Variants in PTPN4 observed in about 807,000 individuals in gnomAD.
PTPN4 encodes the protein tyrosine-protein phosphatase non-receptor type 4.
PTPN4 carries 49 observed loss-of-function variants against 135.5 expected under a neutral mutation model. The observed-to-expected ratio is 0.36, with a 90% CI of 0.29 to 0.46. The LOEUF (loss-of-function observed/expected upper bound fraction) is 0.46, where lower values mean the gene tolerates loss of function less well. Ranked by LOEUF, PTPN4 falls within the 20% of genes least tolerant of loss-of-function variation. The pLI is 1.00. For synonymous variants in PTPN4, 333 were observed against 369.9 expected (o/e 0.90, Z 1.14); for missense variants, 860 against 1,101.0 (o/e 0.78, Z 3.10).
At chr2:119,896,020 A>G (rs1282012875) in intron 9 of PTPN4, among the ~76,000 whole-genome samples, 1 of 152,112 alleles carries the variant, frequency 6.6e-6, no homozygotes, top group African/African-American at 2.4e-5. Context: ...GTTCATATTC[A>G]GTTTAAATAT....
At chr2:119,873,210 C>T (rs1207677669) in intron 3 of PTPN4, among the ~76,000 whole-genome samples, 5 of 151,040 alleles carry the variant, frequency 3.3e-5, no homozygotes, top group Non-Finnish European at 7.4e-5. Flanking sequence ...TTTGTAGAGA[C>T]GTGGTCTTGC....
chr2:119,970,163 G>A (rs906397665), intron 26 of PTPN4, among the ~76,000 whole-genome samples: 4 of 151,682 alleles, frequency 2.6e-5, no homozygotes, highest in East Asian at 3.9e-4. Flanking sequence ...GGGTTCAAGC[G>A]ATTCTCCTGC....
At chr2:119,935,104 T>C in intron 15 of PTPN4, 146 bp downstream of exon 15, 2 of 960,256 alleles carry the variant, frequency 2.1e-6, no homozygotes, top group Non-Finnish European at 3.0e-6. Flanking sequence ...TATGCTCATT[T>C]GTTCCTGAGA....
chr2:119,891,579 C>A (rs565166474), intron 9 of PTPN4, among the ~76,000 whole-genome samples: 1 of 152,262 alleles, frequency 6.6e-6, no homozygotes, highest in South Asian at 2.1e-4. Flanking sequence ...CCCACCTTGG[C>A]CTCCCAAAAT....
chr2:119,769,594 T>C (rs1027449421), intron 1 of PTPN4, among the ~76,000 whole-genome samples: 10 of 152,182 alleles, frequency 6.6e-5, no homozygotes, highest in Non-Finnish European at 1.3e-4. Flanking sequence ...ACAATGAATA[T>C]AGATGAGACA....
intron 20 of PTPN4, among the ~76,000 whole-genome samples, chr2:119,955,951 T>TAAAC (rs1679275835): frequency 1.1e-4 from 3 of 26,886 alleles, no homozygotes; most frequent in Admixed American, 1.2e-3. Context: ...AAATAATAAA[T>TAAAC]AAATAAATAA....
intron 2 of PTPN4, among the ~76,000 whole-genome samples, chr2:119,854,503 T>C (rs1299656875): frequency 6.6e-6 from 1 of 152,178 alleles, no homozygotes. Context: ...GTGACGACTC[T>C]TTCTGGCCAC....
At chr2:119,959,690 C>T (rs1679337264) in intron 22 of PTPN4, among the ~76,000 whole-genome samples, 1 of 152,192 alleles carries the variant, frequency 6.6e-6, no homozygotes, top group South Asian at 2.1e-4. Context: ...GCATCGCTGG[C>T]AGGCTATGGG....
In PTPN4 at chr2:119,973,655, G is replaced by GTTTTTTTTTTTTTTTTTTTTTTTTT. The variant is rs70949378; in HGVS notation, c.2695-3326_2695-3302dup. 2.3e-4 allele frequency among the ~76,000 whole-genome samples: 9 copies of GTTTTTTTTTTTTTTTTTTTTTTTTT among 38,394 alleles called. 2 individuals are homozygous for GTTTTTTTTTTTTTTTTTTTTTTTTT. Among genetic ancestry groups the GTTTTTTTTTTTTTTTTTTTTTTTTT allele is most frequent in the African/African-American group, 6.3e-4 (5 of 7,952 alleles). 25.2% of individuals were successfully genotyped at this position (38,394 alleles called of 152,430 possible). On this transcript the variant is annotated intron_variant, in intron 26 of 26. Transcript: ENST00000263708. The stretch of plus-strand genomic sequence containing the variant: ...TTGAAAGCTTCCTCCTTCATTTCTT[G>GTTTTTTTTTTTTTTTTTTTTTTTTT]TTTTTTTTTTTTTTTTTTTTTTTTT...
chr2:119,836,164 A>G (rs887909266), intron 2 of PTPN4, among the ~76,000 whole-genome samples: 4 of 152,200 alleles, frequency 2.6e-5, no homozygotes, highest in Non-Finnish European at 1.5e-5. Context: ...TCCAGTGAAG[A>G]TACGCATACA....
intron 9 of PTPN4, among the ~76,000 whole-genome samples, chr2:119,888,251 T>C (rs1036770981): frequency 4.6e-5 from 7 of 152,050 alleles, no homozygotes; most frequent in Non-Finnish European, 8.8e-5. Context: ...TTTGGTGGAG[T>C]CTTTAGGTTT....
chr2:119,859,103 A>G (rs776404909), intron 2 of PTPN4, among the ~76,000 whole-genome samples: 5 of 151,542 alleles, frequency 3.3e-5, no homozygotes, highest in East Asian at 1.9e-4. Context: ...TATATCTTCT[A>G]TTACTTTGCT....
At position 119,968,773 on chromosome 2, in the gene PTPN4, C is replaced by CA. The variant is rs1679483587; in HGVS notation, c.2694+802dup. On this transcript the variant is annotated intron_variant, in intron 26 of 26. Transcript: ENST00000263708. ...CGCCACTGTACTCCAGCCTGGGTGA[C>CA]AGAGTGCGACTCAGTCTCAAAAAAA... is the stretch of plus-strand genomic sequence containing the variant. Among the ~76,000 whole-genome samples, 3 of 152,128 alleles carry CA rather than the reference C, an allele frequency of 2.0e-5. No individual in the cohort carries two copies. The South Asian group carries it at 6.2e-4, about 32-fold the overall frequency.
chr2:119,948,381 A>T (rs1428947483), intron 18 of PTPN4, among the ~76,000 whole-genome samples: 1 of 152,114 alleles, frequency 6.6e-6, no homozygotes, highest in Non-Finnish European at 1.5e-5. Context: ...TAACAGTCTT[A>T]TAAACCTAGT....
At chr2:119,784,413 G>C (rs537513244) in intron 1 of PTPN4, among the ~76,000 whole-genome samples, 6 of 132,672 alleles carry the variant, frequency 4.5e-5, no homozygotes, top group South Asian at 2.4e-4. Flanking sequence ...TTGAGACAGA[G>C]TCTTGCTCTG....
intron 2 of PTPN4, among the ~76,000 whole-genome samples, chr2:119,822,658 G>A (rs887724676): frequency 6.6e-6 from 1 of 151,980 alleles, no homozygotes; most frequent in Non-Finnish European, 1.5e-5. Flanking sequence ...CACCCGGCCT[G>A]TGTGTTAGTA....
At chr2:119,809,041 G>C (rs555229494) in intron 1 of PTPN4, among the ~76,000 whole-genome samples, 6 of 152,062 alleles carry the variant, frequency 3.9e-5, no homozygotes, top group African/African-American at 1.2e-4. Flanking sequence ...AGAAGTGTTA[G>C]GTGTTTTAAA....
intron 2 of PTPN4, among the ~76,000 whole-genome samples, chr2:119,812,716 T>C (rs957921411): frequency 6.6e-6 from 1 of 152,200 alleles, no homozygotes; most frequent in Non-Finnish European, 1.5e-5. Context: ...CGTGAATTCA[T>C]TGTCACTAAA....
In PTPN4 at chr2:119,980,656, C is replaced by G. The variant is rs953167221; in HGVS notation, c.*3586C>G. The G allele has an allele frequency of 1.3e-5, 2 of 151,860 alleles. No homozygotes were observed. Among genetic ancestry groups the G allele is most frequent in the Non-Finnish European group, 2.9e-5 (2 of 67,904 alleles). 9.4% of individuals were successfully genotyped at this position (151,860 alleles called of 1,614,324 possible). A position where few individuals can be genotyped will look rare whatever the true frequency, so the allele number is the denominator to read the frequency against. ...ATTTCCAGTAGAGAAGCATACTCAG[C>G]CAATGTTTTCACTTAATAACTATGA... On this transcript the variant is annotated 3_prime_UTR_variant, in exon 27 of 27. Transcript: ENST00000263708.
Sources: allele counts gnomAD v4.1 joint callset (sites outside exome capture counted in the v4.1 genomes callset), GRCh38; gene constraint gnomAD v4.1.1; transcripts MANE v1.5; gene names NCBI Gene and HGNC (gene_info 2026-07-23, HGNC 2026-07-21).